Variants in OPCML observed in about 807,000 individuals in gnomAD.
The protein encoded by OPCML is opioid binding protein/cell adhesion molecule like, also known as opioid-binding protein/cell adhesion molecule.
A neutral mutation model predicts 37.8 loss-of-function variants in OPCML; 13 were observed. The ratio of observed to expected loss-of-function variants is 0.34; its 90% CI spans 0.22 to 0.55. The LOEUF (loss-of-function observed/expected upper bound fraction) is 0.55, where lower values mean the gene tolerates loss of function less well. OPCML is among the 20% of genes least tolerant of loss of function. The pLI, the probability that OPCML is intolerant of heterozygous loss-of-function variation, is 0.91. For synonymous variants in OPCML, 176 were observed against 168.8 expected, an observed-to-expected ratio of 1.04 and a Z score of -0.33; for missense variants, 341 against 435.6, an observed-to-expected ratio of 0.78 and a Z score of 1.93.
intron 2 of OPCML, chr11:132,859,327 A>T (rs1942195612): frequency 6.6e-6 from 1 of 152,248 alleles, no homozygotes; most frequent in African/African-American, 2.4e-5. Flanking sequence ...TCAAGGAAAG[A>T]CTTTAGGTCA....
intron 2 of OPCML, among the ~76,000 whole-genome samples, chr11:132,730,008 C>CTTTTTT (rs11389495): frequency 2.1e-4 from 19 of 88,472 alleles, no homozygotes; most frequent in Non-Finnish European, 3.1e-4. Flanking sequence ...TTCTATGTGA[C>CTTTTTT]TTTTTTTTTT....
chr11:132,751,228 T>C lies in OPCML; in HGVS notation c.147-93909A>G, dbSNP rs60391955. Among the ~76,000 whole-genome samples, 762 of 152,288 alleles carry C rather than the reference T, an allele frequency of 5.0e-3. 4 individuals carry two copies. The highest frequency in any genetic ancestry group is 0.016 in the African/African-American group (657 of 41,566). ...TCTCCTTATTTTATTCTTTGTGGCC[T>C]CTGGCTGTATTTTTGGTTTACTCCT... On this transcript the variant is annotated intron_variant, in intron 2 of 7. Coordinates refer to ENST00000524381, the MANE Select transcript of OPCML (RefSeq NM_001012393.5).
At chr11:132,854,129 G>A (rs528605565) in intron 2 of OPCML, among the ~76,000 whole-genome samples, 1 of 152,116 alleles carries the variant, frequency 6.6e-6, no homozygotes, top group African/African-American at 2.4e-5. Context: ...TTGCTAGGGC[G>A]GCTCACAGAA....
intron 1 of OPCML, among the ~76,000 whole-genome samples, chr11:133,009,543 T>C (rs1423672740): frequency 6.6e-6 from 1 of 152,176 alleles, no homozygotes; most frequent in Non-Finnish European, 1.5e-5. Context: ...CTCTATACTC[T>C]ACAAGTTGGA....
At chr11:132,570,429 A>G (rs1466508321) in intron 3 of OPCML, among the ~76,000 whole-genome samples, 1 of 152,100 alleles carries the variant, frequency 6.6e-6, no homozygotes, top group Non-Finnish European at 1.5e-5. Flanking sequence ...GGGTTTACTA[A>G]GGTCCTCATC....
intron 1 of OPCML, among the ~76,000 whole-genome samples, chr11:133,428,826 A>G (rs1053711587): frequency 6.6e-6 from 1 of 152,258 alleles, no homozygotes; most frequent in East Asian, 1.9e-4. Flanking sequence ...TTCTTTGGAA[A>G]CATGATGAAG....
intron 2 of OPCML, among the ~76,000 whole-genome samples, chr11:132,859,778 C>G (rs1352925277): frequency 1.3e-5 from 2 of 152,188 alleles, no homozygotes; most frequent in Non-Finnish European, 2.9e-5. Context: ...ATTTCAGGGA[C>G]AGTTTTCAAC....
chr11:133,138,656 A>G lies in OPCML; in HGVS notation c.62-195646T>C, dbSNP rs540220110. Among the ~76,000 whole-genome samples the G allele has an allele frequency of 8.3e-4, 127 of 152,284 alleles. 3 individuals carry two copies. In the South Asian group the frequency reaches 0.025, roughly 31 times the overall value. On this transcript the variant is annotated intron_variant, in intron 1 of 7. Coordinates refer to ENST00000524381, the MANE Select transcript of OPCML (RefSeq NM_001012393.5). ...GGACTACCAAATCCCATTTATGCCT[A>G]AAAGGAAGGCCCTCCTCCCACAGAT... is the stretch of plus-strand genomic sequence containing the variant.
At chr11:132,610,110 G>T (rs916939948) in intron 3 of OPCML, among the ~76,000 whole-genome samples, 3 of 152,154 alleles carry the variant, frequency 2.0e-5, no homozygotes, top group Non-Finnish European at 4.4e-5. Context: ...TTGTGCATGA[G>T]AATCAATTAC....
In OPCML at chr11:133,171,133, C is replaced by G. The variant is rs1051453583; in HGVS notation, c.62-228123G>C. 5.9e-5 allele frequency among the ~76,000 whole-genome samples: 9 copies of G among 152,332 alleles called. No individual in the cohort carries two copies. The Middle Eastern group carries it at 0.01, about 173-fold the overall frequency. On this transcript the variant is annotated intron_variant, in intron 1 of 7. Coordinates refer to ENST00000524381, the MANE Select transcript of OPCML (RefSeq NM_001012393.5). ...TCAGGGAGTGAGGCTGGCCCTATAC[C>G]TCTTTGTTTTACTTGAGAATTGGCC...
intron 1 of OPCML, among the ~76,000 whole-genome samples, chr11:133,397,406 C>T (rs774256594): frequency 2.0e-5 from 3 of 152,132 alleles, no homozygotes; most frequent in Non-Finnish European, 2.9e-5. Context: ...GATAGAGAGA[C>T]GAACAGATAG....
intron 1 of OPCML, among the ~76,000 whole-genome samples, chr11:133,461,170 C>G (rs953250142): frequency 6.6e-6 from 1 of 151,798 alleles, no homozygotes; most frequent in Non-Finnish European, 1.5e-5. Flanking sequence ...AATAACAAGA[C>G]AAGGATTCCT....
Position 133,532,465 on chromosome 11 carries a change from AGC to A in OPCML, c.-143_-142del, listed in dbSNP as rs1437296607. The A allele has an allele frequency of 2.8e-5, 27 of 975,216 alleles. No individual in the cohort carries two copies. Among genetic ancestry groups the A allele is most frequent in the African/African-American group, 2.3e-4 (14 of 61,864 alleles). 60.4% of individuals were successfully genotyped at this position (975,216 alleles called of 1,614,324 possible). A position where few individuals can be genotyped will look rare whatever the true frequency, so the allele number is the denominator to read the frequency against. On this transcript the variant is annotated 5_prime_UTR_variant, in exon 1 of 8. Transcript: ENST00000524381. Reference sequence around the variant, plus strand: ...GAGGGAGAGAGCAGAAGAGAGAGAGAGCGCGCGAGAGATGGGAGCAGGCAGGC... The same window carrying A: ...GAGGGAGAGAGCAGAAGAGAGAGAGAGCGCGAGAGATGGGAGCAGGCAGGC...
chr11:133,274,376 G>C (rs1250105016), intron 1 of OPCML, among the ~76,000 whole-genome samples: 1 of 152,190 alleles, frequency 6.6e-6, no homozygotes, highest in East Asian at 1.9e-4. Context: ...AAGACACAGA[G>C]ACAGAGACGT....
intron 2 of OPCML, among the ~76,000 whole-genome samples, chr11:132,840,793 T>C (rs925994965): frequency 1.3e-5 from 2 of 151,998 alleles, no homozygotes; most frequent in East Asian, 1.9e-4. Context: ...AATAGAACCA[T>C]TGGAGAGGCT....
intron 1 of OPCML, among the ~76,000 whole-genome samples, chr11:133,189,476 T>C (rs193154582): frequency 6.6e-6 from 1 of 152,346 alleles, no homozygotes; most frequent in East Asian, 1.9e-4. Context: ...GGAAGTATTG[T>C]ATATTGGATA....
chr11:132,519,368 G>T (rs574182740), intron 4 of OPCML, among the ~76,000 whole-genome samples: 1 of 151,992 alleles, frequency 6.6e-6, no homozygotes, highest in African/African-American at 2.4e-5. Context: ...GCACAGTGAC[G>T]CTTGCTGAAG....
At chr11:132,858,262 C>T (rs545637648) in intron 2 of OPCML, among the ~76,000 whole-genome samples, 10 of 152,216 alleles carry the variant, frequency 6.6e-5, no homozygotes, top group Non-Finnish European at 1.0e-4. Context: ...CCCTGCTCTG[C>T]TTCCTCTGAT....
chr11:132,650,015 A>G (rs528090665), intron 3 of OPCML, among the ~76,000 whole-genome samples: 2 of 152,044 alleles, frequency 1.3e-5, no homozygotes, highest in Admixed American at 1.3e-4. Flanking sequence ...TATAGGTTGT[A>G]TGGCTCTTTC....
Sources: allele counts gnomAD v4.1 joint callset (sites outside exome capture counted in the v4.1 genomes callset), GRCh38; gene constraint gnomAD v4.1.1; transcripts MANE v1.5; gene names NCBI Gene and HGNC (gene_info 2026-07-23, HGNC 2026-07-21).